The following YARS1 variants were observed in gnomAD, a reference collection of about 807,000 sequenced individuals.
YARS1 encodes the protein tyrosyl-tRNA synthetase 1.
A neutral mutation model predicts 62.2 loss-of-function variants in YARS1; 36 were observed. That is an observed-to-expected ratio of 0.58 (90% CI 0.44 to 0.76). The LOEUF (loss-of-function observed/expected upper bound fraction) is 0.76. YARS1 is among the 30% of genes least tolerant of loss of function. The pLI is 0.00. For synonymous variants in YARS1, 234 were observed against 244.9 expected (o/e 0.96, Z 0.42); for missense variants, 524 against 639.8 (o/e 0.82, Z 1.95).
intron 5 of YARS1, among the ~76,000 whole-genome samples, chr1:32,794,416 G>T (rs555830204): frequency 6.6e-6 from 1 of 152,050 alleles, no homozygotes; most frequent in African/African-American, 2.4e-5. Flanking sequence ...TTGAGACAAG[G>T]TCTCTCTCTG....
At chr1:32,791,871 C>T (rs545682372) in intron 5 of YARS1, among the ~76,000 whole-genome samples, 1 of 152,020 alleles carries the variant, frequency 6.6e-6, no homozygotes, top group Non-Finnish European at 1.5e-5. Context: ...AAATCTTGAG[C>T]GAAGGGAAGT....
At chr1:32,801,402 CA>C (rs1638290078) in intron 4 of YARS1, among the ~76,000 whole-genome samples, 1 of 152,068 alleles carries the variant, frequency 6.6e-6, no homozygotes, top group South Asian at 2.1e-4. Flanking sequence ...GTTACATCTA[CA>C]AAAACAACGT....
In YARS1 at chr1:32,776,061, C is replaced by CGAT; in HGVS notation, c.1504_1506dup (p.Ile502dup). On this transcript the variant is annotated inframe_insertion, in exon 13 of 13. Coordinates refer to ENST00000373477, the MANE Select transcript of YARS1 (RefSeq NM_003680.4). The surrounding 1 kb of genome is among the most constrained non-coding windows in gnomAD (Gnocchi z 4.0). ...ATGAAGTTGGTTTGCTTCCACTGTG[C>CGAT]GATGCACTCCTCAGAAATTTTGAAG... The CGAT allele has an allele frequency of 6.2e-7, 1 of 1,613,970 alleles. No individual in the cohort carries two copies. Among genetic ancestry groups the CGAT allele is most frequent in the Non-Finnish European group, 8.5e-7 (1 of 1,179,978 alleles).
chr1:32,796,473 C>T (rs1477986646), intron 5 of YARS1, among the ~76,000 whole-genome samples: 1 of 151,550 alleles, frequency 6.6e-6, no homozygotes, highest in Non-Finnish European at 1.5e-5. Context: ...TGGGCTCAAG[C>T]AATTATTCTG....
chr1:32,780,385 T>C, intron 10 of YARS1, 107 bp from the exon 11 acceptor site: 3 of 1,311,174 alleles, frequency 2.3e-6, no homozygotes, highest in African/African-American at 1.4e-5. Flanking sequence ...CAGAGGCCCC[T>C]GGAAAGACCC....
chr1:32,810,804 G>A lies in YARS1; in HGVS notation c.205-38C>T, dbSNP rs766517007. 2.5e-6 allele frequency: 4 copies of A among 1,614,104 alleles called. No individual in the cohort carries two copies. The East Asian group carries it at 8.9e-5, about 36-fold the overall frequency. ...TAAGGGGCCACCAAAATGTGAATTT[G>A]TCCAATTACCTCCAACCTGTCTCCT... On this transcript the variant is annotated intron_variant, in intron 2 of 12. Transcript: ENST00000373477.
At chr1:32,807,463 AT>A (rs554615976) in intron 3 of YARS1, among the ~76,000 whole-genome samples, 3,448 of 145,440 alleles carry the variant, frequency 0.024, 131 homozygotes, top group African/African-American at 0.078. Flanking sequence ...TTTTCCTTTT[AT>A]TTTTTTTTTT....
chr1:32,817,189 T>C lies in YARS1; in HGVS notation c.56A>G (p.Gln19Arg). The C allele has an allele frequency of 6.2e-7, 1 of 1,614,172 alleles. No homozygotes were observed. Among genetic ancestry groups the C allele is most frequent in the Non-Finnish European group, 8.5e-7 (1 of 1,180,006 alleles). ...GCATTTCCAACCCCCAGGCCTGACC[T>C]GCAGGTTCCGGGTGATAAGGTGCAG... Reference protein sequence around the residue: ...EKLHLITRNLQEVLGEEKLKE... With the variant: ...EKLHLITRNLREVLGEEKLKE... Residue 19 changes from glutamine (Q) to arginine (R), a missense_variant and splice_region_variant, in exon 1 of 13, where the codon CAG becomes CGG. Gln to Arg is a conservative substitution (Grantham distance 43). Coordinates refer to ENST00000373477, the MANE Select transcript of YARS1 (RefSeq NM_003680.4).
Position 32,781,090 on chromosome 1 carries a change from G to C in YARS1, c.1098C>G (p.Ser366=). ...TTTTCCCCACACGGATATCCAGCCGGGATGGGATGACCTCCTCTGGTTCTG... is the reference window on the plus strand; with the variant it reads ...TTTTCCCCACACGGATATCCAGCCGCGATGGGATGACCTCCTCTGGTTCTG... ...KNSEPEEVIP[S]RLDIRVGKII... The change falls in exon 10 of 13, where the codon TCC becomes TCG. Residue 366 remains serine (S), a synonymous_variant. Coordinates refer to ENST00000373477, the MANE Select transcript of YARS1 (RefSeq NM_003680.4). The C allele has an allele frequency of 6.2e-7, 1 of 1,614,218 alleles. No individual in the cohort carries two copies. The highest frequency in any genetic ancestry group is 2.2e-5 in the East Asian group (1 of 44,882).
At chr1:32,812,969 C>T (rs1206008502) in intron 1 of YARS1, among the ~76,000 whole-genome samples, 22 of 90,030 alleles carry the variant, frequency 2.4e-4, no homozygotes, top group African/African-American at 8.8e-4. Flanking sequence ...ACTCTGTCTC[C>T]AAAAAAAAAA....
intron 5 of YARS1, among the ~76,000 whole-genome samples, chr1:32,797,275 G>C (rs896032099): frequency 1.3e-5 from 2 of 151,618 alleles, no homozygotes; most frequent in Non-Finnish European, 2.9e-5. Context: ...GGGAGGCTGA[G>C]GTGGGAGAAC....
intron 4 of YARS1, 78 bp downstream of exon 4, chr1:32,806,404 A>G: frequency 6.2e-7 from 1 of 1,610,280 alleles, no homozygotes; most frequent in Non-Finnish European, 8.5e-7. Context: ...AGTGCAGTAA[A>G]GCAAAGTGCA....
chr1:32,781,762 T>G (rs1653064418), intron 9 of YARS1: 1 of 164,166 alleles, frequency 6.1e-6, no homozygotes, highest in Non-Finnish European at 1.3e-5. Context: ...TGTAAGAAAC[T>G]ATCGATACCC....
intron 4 of YARS1, among the ~76,000 whole-genome samples, chr1:32,800,612 G>A (rs889700965): frequency 3.3e-5 from 5 of 151,634 alleles, no homozygotes; most frequent in Non-Finnish European, 5.9e-5. Flanking sequence ...TGGAGATGGA[G>A]TCTTGCACTG....
intron 4 of YARS1, among the ~76,000 whole-genome samples, chr1:32,800,668 G>C (rs1638262832): frequency 6.6e-6 from 1 of 152,068 alleles, no homozygotes; most frequent in East Asian, 1.9e-4. Context: ...CCGCCTCCTA[G>C]GTTCATGCCA....
At chr1:32,814,763 C>A (rs1638662157) in intron 1 of YARS1, among the ~76,000 whole-genome samples, 1 of 152,222 alleles carries the variant, frequency 6.6e-6, no homozygotes, top group African/African-American at 2.4e-5. Flanking sequence ...AACTCATTTT[C>A]CTTTTTACAA....
In YARS1 at chr1:32,817,054, C is replaced by T. The variant is rs921574269; in HGVS notation, c.57+134G>A. ...TTGACTGACCGACCAGCAGTGAGAT[C>T]TACAGGCTCTCTCAGAGCTGCGCCA... On this transcript the variant is annotated intron_variant, in intron 1 of 12. Transcript: ENST00000373477. The T allele has an allele frequency of 6.0e-6, 7 of 1,162,446 alleles. No individual in the cohort carries two copies. The Admixed American group carries it at 8.6e-5, about 14-fold the overall frequency. The allele number at this position is 1,162,446 out of a possible 1,614,324, so 72.0% of individuals were successfully genotyped here.
intron 4 of YARS1, among the ~76,000 whole-genome samples, chr1:32,804,787 G>A (rs1466228257): frequency 6.6e-6 from 1 of 151,842 alleles, no homozygotes; most frequent in Non-Finnish European, 1.5e-5. Flanking sequence ...CATCCCAGAC[G>A]ATGGGCGGCC....
chr1:32,815,634 T>G (rs1638694999), intron 1 of YARS1, among the ~76,000 whole-genome samples: 3 of 152,202 alleles, frequency 2.0e-5, no homozygotes, highest in Admixed American at 6.5e-5. Context: ...TGCATGAACT[T>G]TGAAAACATT....
Sources: gnomAD v4.1 joint callset for allele counts (sites outside exome capture counted in the v4.1 genomes callset) on GRCh38, gnomAD v4.1.1 for gene constraint, Gnocchi (gnomAD v3.1) non-coding constraint, MANE v1.5 for transcripts, NCBI Gene and HGNC (gene_info 2026-07-23, HGNC 2026-07-21) for gene names.